Variants in CTNNA3 observed in about 807,000 individuals in gnomAD.
CTNNA3 encodes the protein catenin alpha 3, also known as catenin alpha-3.
Under a neutral mutation model 95.7 loss-of-function variants are expected in CTNNA3, and 76 were observed. The observed-to-expected ratio is 0.79, with a 90% CI of 0.66 to 0.96. The LOEUF is 0.96. Among genes scored for constraint, CTNNA3 ranks in the 40% least tolerant of loss-of-function variants. The probability of loss-of-function intolerance (pLI) is 0.00; values close to 1 mark genes in which losing one functional copy is unlikely to be tolerated. For synonymous variants in CTNNA3, 431 were observed against 374.4 expected, an observed-to-expected ratio of 1.15 and a Z score of -1.74; for missense variants, 1,191 against 1,089.8, an observed-to-expected ratio of 1.09 and a Z score of -1.31.
chr10:66,392,284 G>T (rs1247738521), intron 11 of CTNNA3, among the ~76,000 whole-genome samples: 1 of 151,864 alleles, frequency 6.6e-6, no homozygotes, highest in Non-Finnish European at 1.5e-5. Context: ...ACAAAAATTA[G>T]CCAGGAGTGG....
At chr10:66,634,404 G>C (rs1845263625) in intron 9 of CTNNA3, among the ~76,000 whole-genome samples, 1 of 152,072 alleles carries the variant, frequency 6.6e-6, no homozygotes, top group African/African-American at 2.4e-5. Flanking sequence ...AAATGATTGA[G>C]AATTCACAGT....
At chr10:66,763,341 C>CACACACAGAGAG (rs371974709) in intron 9 of CTNNA3, among the ~76,000 whole-genome samples, 1 of 139,104 alleles carries the variant, frequency 7.2e-6, no homozygotes, top group African/African-American at 2.7e-5. Context: ...CACACACACA[C>CACACACAGAGAG]AGAGAGAGAG....
chr10:66,966,000 G>A (rs1459537363), intron 7 of CTNNA3, among the ~76,000 whole-genome samples: 2 of 152,142 alleles, frequency 1.3e-5, no homozygotes, highest in Non-Finnish European at 2.9e-5. Context: ...TAAAGGCAGT[G>A]TATAGAACTG....
At chr10:66,716,413 G>C (rs1019770428) in intron 9 of CTNNA3, among the ~76,000 whole-genome samples, 1 of 152,252 alleles carries the variant, frequency 6.6e-6, no homozygotes. Flanking sequence ...TGCAAAATAA[G>C]ATGTTCATCT....
At chr10:67,715,976 G>A (rs182691871) in intron 1 of CTNNA3, among the ~76,000 whole-genome samples, 23 of 152,066 alleles carry the variant, frequency 1.5e-4, no homozygotes, top group Admixed American at 9.8e-4. Context: ...CCTTAAGAGC[G>A]GGTAACTTAA....
At chr10:67,706,185 A>T (rs560333317) in intron 1 of CTNNA3, among the ~76,000 whole-genome samples, 4 of 152,178 alleles carry the variant, frequency 2.6e-5, no homozygotes, top group African/African-American at 9.6e-5. Flanking sequence ...GTTAGGAAAG[A>T]GTTTTGTAGC....
chr10:67,466,108 G>T (rs936839303), intron 5 of CTNNA3, among the ~76,000 whole-genome samples: 3 of 151,850 alleles, frequency 2.0e-5, no homozygotes, highest in Non-Finnish European at 2.9e-5. Context: ...ATGTTCTTTG[G>T]ATCTAAAGAC....
At chr10:66,219,606 T>C (rs1391375062) in intron 13 of CTNNA3, among the ~76,000 whole-genome samples, 1 of 142,386 alleles carries the variant, frequency 7.0e-6, no homozygotes, top group East Asian at 2.1e-4. Flanking sequence ...GTCAGATCCC[T>C]AGTCCCAATT....
rs530497083 is a variant in CTNNA3 at position 66,473,850 on chromosome 10, A to AT, written c.1531+46766dup. Among the ~76,000 whole-genome samples, 63 of 151,998 alleles carry AT rather than the reference A, an allele frequency of 4.1e-4. No homozygotes were observed. The East Asian group carries it at 9.3e-3, about 22-fold the overall frequency. On this transcript the variant is annotated intron_variant, in intron 11 of 17. Transcript: ENST00000433211. Reference sequence around the variant, plus strand: ...TCCCTACAAAGGACATGAACTCATCATTTTTTATGGCTGTATAGTATTCCA... The same window carrying AT: ...TCCCTACAAAGGACATGAACTCATCATTTTTTTATGGCTGTATAGTATTCCA...
intron 13 of CTNNA3, among the ~76,000 whole-genome samples, chr10:66,228,344 G>A (rs559007339): frequency 3.3e-5 from 5 of 151,746 alleles, no homozygotes; most frequent in African/African-American, 1.2e-4. Flanking sequence ...GTATCTCACA[G>A]GTTTTGGTAT....
intron 1 of CTNNA3, among the ~76,000 whole-genome samples, chr10:67,710,878 T>C (rs1385762171): frequency 6.6e-6 from 1 of 152,156 alleles, no homozygotes; most frequent in Admixed American, 6.5e-5. Context: ...GACCTTGATA[T>C]AGTTTGGCTG....
At chr10:67,526,654 T>C (rs1183034144) in intron 4 of CTNNA3, among the ~76,000 whole-genome samples, 5 of 152,126 alleles carry the variant, frequency 3.3e-5, no homozygotes, top group African/African-American at 1.2e-4. Flanking sequence ...CAAATATTTA[T>C]CAATGAGCAA....
At chr10:67,758,370 C>T (rs1475057844) in intron 1 of CTNNA3, among the ~76,000 whole-genome samples, 1 of 151,368 alleles carries the variant, frequency 6.6e-6, no homozygotes, top group Non-Finnish European at 1.5e-5. Context: ...ATCTTAGCCA[C>T]TCTGTTTCTC....
At chr10:67,437,464 T>A (rs1846341347) in intron 5 of CTNNA3, among the ~76,000 whole-genome samples, 1 of 149,570 alleles carries the variant, frequency 6.7e-6, no homozygotes, top group Non-Finnish European at 1.5e-5. Flanking sequence ...CCCCAATAAA[T>A]TTAATAAATA....
rs189661736 is a variant in CTNNA3, at chr10:66,006,167, C to T, written c.2160-17370G>A. On this transcript the variant is annotated intron_variant, in intron 15 of 17. Coordinates refer to ENST00000433211, the MANE Select transcript of CTNNA3 (RefSeq NM_013266.4). ...AGCTGGGACTACAGGCACCCACCACCGTGCCCGGCTAATTTTTTTGTATTT... is the reference window on the plus strand; with the variant it reads ...AGCTGGGACTACAGGCACCCACCACTGTGCCCGGCTAATTTTTTTGTATTT... 8.4e-3 allele frequency among the ~76,000 whole-genome samples: 1,281 copies of T among 151,852 alleles called. 25 individuals carry two copies. The highest frequency in any genetic ancestry group is 0.029 in the African/African-American group (1,202 of 41,364).
chr10:66,823,818 T>C (rs1449627943), intron 7 of CTNNA3, among the ~76,000 whole-genome samples: 1 of 152,120 alleles, frequency 6.6e-6, no homozygotes, highest in Non-Finnish European at 1.5e-5. Context: ...ACAGGCTAAC[T>C]GACAGACTCA....
chr10:66,900,826 G>GA (rs1446120228), intron 7 of CTNNA3, among the ~76,000 whole-genome samples: 1 of 152,058 alleles, frequency 6.6e-6, no homozygotes, highest in Non-Finnish European at 1.5e-5. Flanking sequence ...CAAGATTAGA[G>GA]AAAAAAGAGT....
chr10:67,133,380 C>T (rs201195560), intron 7 of CTNNA3, among the ~76,000 whole-genome samples: 7,155 of 103,262 alleles, frequency 0.069, 247 homozygotes, highest in South Asian at 0.17. Flanking sequence ...TATATATATA[C>T]ACACACACAC....
chr10:66,763,359 GAGAGAGAA>G (rs1456014464), intron 9 of CTNNA3, among the ~76,000 whole-genome samples: 1 of 151,496 alleles, frequency 6.6e-6, no homozygotes, highest in African/African-American at 2.4e-5. Flanking sequence ...GAGAGGGAGA[GAGAGAGAA>G]AGAGAGAAAG....
Sources: gnomAD v4.1 joint callset for allele counts (sites outside exome capture counted in the v4.1 genomes callset) on GRCh38, gnomAD v4.1.1 for gene constraint, MANE v1.5 for transcripts, NCBI Gene and HGNC (gene_info 2026-07-23, HGNC 2026-07-21) for gene names.